OLFM3: variants seen among roughly 807,000 people sequenced by gnomAD.
OLFM3 encodes olfactomedin 3, also known as noelin-3.
In OLFM3, 20 loss-of-function variants were observed where a neutral mutation model predicts 48.6. That is an observed-to-expected ratio of 0.41 (90% CI 0.29 to 0.60). The LOEUF (loss-of-function observed/expected upper bound fraction) is 0.60. Ranked by LOEUF, OLFM3 falls within the 20% of genes least tolerant of loss-of-function variation. The probability of loss-of-function intolerance (pLI) is 0.28; values close to 1 mark genes in which losing one functional copy is unlikely to be tolerated. For missense variants in OLFM3, 437 were observed against 544.3 expected (o/e 0.80, Z 1.96); for synonymous variants, 222 against 198.1 (o/e 1.12, Z -1.01).
chr1:101,830,111 T>C (rs1035179715), intron 3 of OLFM3, among the ~76,000 whole-genome samples: 6 of 152,164 alleles, frequency 3.9e-5, no homozygotes, highest in African/African-American at 9.6e-5. Context: ...GTGCTAGGAT[T>C]ACAGGCGTGA....
rs574542622 is a variant in OLFM3 at position 101,863,764 on chromosome 1, G to A, written c.70-26739C>T. Among the ~76,000 whole-genome samples, 4 of 152,072 alleles carry A rather than the reference G, an allele frequency of 2.6e-5. No individual in the cohort carries two copies. The South Asian group carries it at 6.2e-4, about 24-fold the overall frequency. On this transcript the variant is annotated intron_variant, in intron 1 of 5. Transcript: ENST00000370103. ...ATATTTTTATTCTAAGCCAACAAAC[G>A]CTGTCTGCTAAAGTGAAGTTCCATT...
At chr1:101,979,483 G>A (rs577649129) in intron 1 of OLFM3, among the ~76,000 whole-genome samples, 3 of 152,172 alleles carry the variant, frequency 2.0e-5, no homozygotes, top group Non-Finnish European at 4.4e-5. Context: ...GGTTTTATAA[G>A]CATCTGGTAT....
At chr1:101,926,206 T>C (rs1458412868) in intron 1 of OLFM3, among the ~76,000 whole-genome samples, 1 of 152,212 alleles carries the variant, frequency 6.6e-6, no homozygotes, top group African/African-American at 2.4e-5. Context: ...GTAAGCCGTA[T>C]TCAACCACAT....
chr1:101,903,610 T>C (rs931967389), intron 1 of OLFM3, among the ~76,000 whole-genome samples: 7 of 152,118 alleles, frequency 4.6e-5, no homozygotes, highest in African/African-American at 1.4e-4. Flanking sequence ...TTTGCTATTT[T>C]ATACTTTGTT....
At chr1:101,988,881 A>T (rs12028283) in intron 1 of OLFM3, among the ~76,000 whole-genome samples, 1 of 152,008 alleles carries the variant, frequency 6.6e-6, no homozygotes, top group Non-Finnish European at 1.5e-5. Context: ...ACTATTTCAA[A>T]AAGAAAAGAG....
intron 1 of OLFM3, among the ~76,000 whole-genome samples, chr1:101,899,613 A>C (rs1474867844): frequency 6.6e-6 from 1 of 152,186 alleles, no homozygotes; most frequent in Non-Finnish European, 1.5e-5. Context: ...AACGTTTGAC[A>C]TTTGAATTGC....
chr1:101,942,337 G>A (rs192351290), intron 1 of OLFM3, among the ~76,000 whole-genome samples: 2 of 152,244 alleles, frequency 1.3e-5, no homozygotes, highest in Admixed American at 1.3e-4. Context: ...TAACAATCAG[G>A]TTTAATAACT....
chr1:101,883,648 A>G (rs1290466208), intron 1 of OLFM3, among the ~76,000 whole-genome samples: 3 of 151,978 alleles, frequency 2.0e-5, no homozygotes, highest in Non-Finnish European at 4.4e-5. Flanking sequence ...AACAATATCA[A>G]TTTTAGTATA....
intron 1 of OLFM3, among the ~76,000 whole-genome samples, chr1:101,938,718 G>C (rs2101056499): frequency 6.6e-6 from 1 of 152,306 alleles, no homozygotes; most frequent in Middle Eastern, 3.4e-3. Flanking sequence ...GCACATACTA[G>C]AGGGATCTGT....
At chr1:101,895,993 A>AATC (rs1211897609) in intron 1 of OLFM3, among the ~76,000 whole-genome samples, 2 of 150,136 alleles carry the variant, frequency 1.3e-5, no homozygotes, top group African/African-American at 4.9e-5. Context: ...TAATAATAAT[A>AATC]ATAATAATAA....
chr1:101,819,729 T>C (rs7547160), intron 4 of OLFM3, among the ~76,000 whole-genome samples: 71,718 of 151,622 alleles, frequency 0.47, 17,209 homozygotes, highest in African/African-American at 0.54. Context: ...TATTTTGTAC[T>C]CCACAAAAGA....
At chr1:101,843,381 C>T (rs979776007) in intron 1 of OLFM3, among the ~76,000 whole-genome samples, 2 of 152,186 alleles carry the variant, frequency 1.3e-5, no homozygotes, top group African/African-American at 4.8e-5. Flanking sequence ...AGGGATTTCT[C>T]AGAAGCTCAG....
intron 1 of OLFM3, among the ~76,000 whole-genome samples, chr1:101,891,435 TAAA>T (rs569841618): frequency 1.3e-4 from 20 of 151,866 alleles, no homozygotes; most frequent in Admixed American, 2.6e-4. Flanking sequence ...AATATTAAAA[TAAA>T]AGCAATAAAA....
chr1:101,995,959 C>A (rs549849274), intron 1 of OLFM3, among the ~76,000 whole-genome samples: 1 of 152,156 alleles, frequency 6.6e-6, no homozygotes, highest in African/African-American at 2.4e-5. Flanking sequence ...TCTCAGACAT[C>A]GTTGAAAATA....
At chr1:101,823,177 A>G (rs1654690904) in intron 4 of OLFM3, among the ~76,000 whole-genome samples, 1 of 152,024 alleles carries the variant, frequency 6.6e-6, no homozygotes, top group South Asian at 2.1e-4. Context: ...CATGATAGAC[A>G]TTGTTCTTGT....
At chr1:101,896,365 TA>T (rs1451048195) in intron 1 of OLFM3, among the ~76,000 whole-genome samples, 1 of 152,148 alleles carries the variant, frequency 6.6e-6, no homozygotes, top group African/African-American at 2.4e-5. Context: ...CACTTGTTAC[TA>T]AAAACTGCAG....
At chr1:101,938,709 C>T (rs563133229) in intron 1 of OLFM3, among the ~76,000 whole-genome samples, 13 of 152,276 alleles carry the variant, frequency 8.5e-5, no homozygotes, top group African/African-American at 2.9e-4. Flanking sequence ...TGCTTCCTGG[C>T]ACATACTAGA....
intron 1 of OLFM3, among the ~76,000 whole-genome samples, chr1:101,908,473 C>A (rs1333266100): frequency 1.3e-5 from 2 of 152,078 alleles, no homozygotes; most frequent in African/African-American, 4.8e-5. Context: ...CCAGGTGGTT[C>A]TCAATGGAGC....
At chr1:101,984,944 C>T (rs768169896) in intron 1 of OLFM3, among the ~76,000 whole-genome samples, 1 of 152,182 alleles carries the variant, frequency 6.6e-6, no homozygotes, top group Non-Finnish European at 1.5e-5. Flanking sequence ...TAGAACAACA[C>T]AAATTTATTA....
Sources: allele counts gnomAD v4.1 joint callset (sites outside exome capture counted in the v4.1 genomes callset), GRCh38; gene constraint gnomAD v4.1.1; transcripts MANE v1.5; gene names NCBI Gene and HGNC (gene_info 2026-07-23, HGNC 2026-07-21).